RUNX2: variants seen among roughly 807,000 people sequenced by gnomAD.
RUNX2 encodes the protein runt-related transcription factor 2.
Under a neutral mutation model 51.7 loss-of-function variants are expected in RUNX2, and 10 were observed. The observed-to-expected ratio is 0.19, with a 90% CI of 0.12 to 0.33. The LOEUF is 0.33. RUNX2 is among the 10% of genes least tolerant of loss of function. RUNX2 has a pLI of 1.00. For synonymous variants in RUNX2, 276 were observed against 273.6 expected, an observed-to-expected ratio of 1.01 and a Z score of -0.09; for missense variants, 562 against 691.3, an observed-to-expected ratio of 0.81 and a Z score of 2.10.
chr6:45,462,641 T>C (rs549928864), intron 5 of RUNX2, among the ~76,000 whole-genome samples: 1 of 152,354 alleles, frequency 6.6e-6, no homozygotes, highest in African/African-American at 2.4e-5. Flanking sequence ...AACAGTATAT[T>C]TGTAATTGAT....
At chr6:45,514,285 A>G (rs1371500290) in intron 7 of RUNX2, among the ~76,000 whole-genome samples, 4 of 152,206 alleles carry the variant, frequency 2.6e-5, no homozygotes, top group Non-Finnish European at 4.4e-5. Context: ...GTACATGTGT[A>G]ACGGAAAACA....
intron 7 of RUNX2, among the ~76,000 whole-genome samples, chr6:45,518,558 G>A (rs780101429): frequency 7.9e-5 from 12 of 151,990 alleles, no homozygotes; most frequent in Non-Finnish European, 1.3e-4. Flanking sequence ...ACTAAGCTTG[G>A]TTGTATGATT....
intron 2 of RUNX2, among the ~76,000 whole-genome samples, chr6:45,407,707 C>T (rs1300737352): frequency 6.6e-6 from 1 of 151,998 alleles, no homozygotes; most frequent in African/African-American, 2.4e-5. Context: ...GCTATGTTGC[C>T]CAGGCTGGTC....
chr6:45,409,796 T>G (rs1440885774), intron 2 of RUNX2, among the ~76,000 whole-genome samples: 1 of 152,232 alleles, frequency 6.6e-6, no homozygotes, highest in East Asian at 1.9e-4. Flanking sequence ...TGATTGACAC[T>G]TATTTCACTC....
intron 7 of RUNX2, among the ~76,000 whole-genome samples, chr6:45,539,771 C>T (rs184364638): frequency 1.5e-3 from 231 of 152,320 alleles, no homozygotes; most frequent in Non-Finnish European, 2.7e-3. Context: ...AAGCATCTGT[C>T]TTCTCAGCAC....
At chr6:45,342,189 A>G (rs1763803994) in intron 2 of RUNX2, among the ~76,000 whole-genome samples, 1 of 152,144 alleles carries the variant, frequency 6.6e-6, no homozygotes, top group South Asian at 2.1e-4. Context: ...TTTATTATAA[A>G]TAGAATGAGT....
intron 2 of RUNX2, among the ~76,000 whole-genome samples, chr6:45,380,645 C>T (rs1472515848): frequency 1.3e-5 from 2 of 152,128 alleles, no homozygotes; most frequent in Non-Finnish European, 2.9e-5. Context: ...GGCCCGATCT[C>T]GGCTCACTGC....
chr6:45,333,106 G>A (rs1454817571), intron 2 of RUNX2, among the ~76,000 whole-genome samples: 4 of 151,668 alleles, frequency 2.6e-5, no homozygotes, highest in Non-Finnish European at 5.9e-5. Flanking sequence ...AATCTGAGAT[G>A]TTAGTATCTT....
chr6:45,345,747 C>T (rs1404790162), intron 2 of RUNX2, among the ~76,000 whole-genome samples: 1 of 152,176 alleles, frequency 6.6e-6, no homozygotes, highest in African/African-American at 2.4e-5. Context: ...AGTATCAATG[C>T]ACACCGTACC....
rs957908943 is a variant in RUNX2 at position 45,550,659 on chromosome 6, C to T, written c.*3354C>T. ...TGAGAATTTTTTAGATGTGTGTTTA[C>T]TTCATGTTTACAAATAACTGTTTGC... On this transcript the variant is annotated 3_prime_UTR_variant, in exon 9 of 9. Transcript: ENST00000647337. The T allele has an allele frequency of 6.6e-6, 1 of 152,586 alleles. No individual in the cohort carries two copies. The highest frequency in any genetic ancestry group is 2.4e-5 in the African/African-American group (1 of 41,426). The allele number at this position is 152,586 out of a possible 1,614,324, so 9.5% of individuals were successfully genotyped here.
At chr6:45,520,552 A>G (rs1302382636) in intron 7 of RUNX2, among the ~76,000 whole-genome samples, 1 of 152,018 alleles carries the variant, frequency 6.6e-6, no homozygotes, top group African/African-American at 2.4e-5. Context: ...GTGCTGTGCT[A>G]TTTCCCACTT....
At chr6:45,343,631 C>T (rs747771899) in intron 2 of RUNX2, among the ~76,000 whole-genome samples, 1 of 152,136 alleles carries the variant, frequency 6.6e-6, no homozygotes, top group Non-Finnish European at 1.5e-5. Flanking sequence ...TATTAAGTTG[C>T]ATAACAGTAC....
At chr6:45,458,323 G>A (rs567301863) in intron 5 of RUNX2, among the ~76,000 whole-genome samples, 13 of 152,244 alleles carry the variant, frequency 8.5e-5, no homozygotes, top group Admixed American at 2.0e-4. Context: ...CACCGTGCCC[G>A]GCTTGGGGTA....
rs10677574 is a variant in RUNX2 at position 45,485,697 on chromosome 6, G to GTATATATATATATATATA, written c.686-6241_686-6224dup. Among the ~76,000 whole-genome samples, 128 of 104,040 alleles carry GTATATATATATATATATA rather than the reference G, an allele frequency of 1.2e-3. 1 individual carries two copies. The highest frequency in any genetic ancestry group is 2.8e-3 in the Admixed American group (27 of 9,792). 68.3% of individuals were successfully genotyped at this position (104,040 alleles called of 152,430 possible). A position where few individuals can be genotyped will look rare whatever the true frequency, so the allele number is the denominator to read the frequency against. On this transcript the variant is annotated intron_variant, in intron 5 of 8. Transcript: ENST00000647337. Reference sequence around the variant, plus strand: ...TATGTGTGTGTGTGTGTGTGTGTGTGTATATATATATATATATATACACAT... The same window carrying GTATATATATATATATATA: ...TATGTGTGTGTGTGTGTGTGTGTGTGTATATATATATATATATATATATATATATATATATATACACAT...
At chr6:45,494,070 C>T (rs1800567091) in intron 6 of RUNX2, among the ~76,000 whole-genome samples, 1 of 151,926 alleles carries the variant, frequency 6.6e-6, no homozygotes, top group Non-Finnish European at 1.5e-5. Context: ...CATTTTAGAA[C>T]CTAAAGGTAC....
At chr6:45,450,286 C>A (rs1038783156) in intron 5 of RUNX2, among the ~76,000 whole-genome samples, 5 of 152,188 alleles carry the variant, frequency 3.3e-5, no homozygotes, top group African/African-American at 1.2e-4. Flanking sequence ...CTCCCCCAAC[C>A]CTGTCCCACC....
intron 5 of RUNX2, among the ~76,000 whole-genome samples, chr6:45,466,102 C>T (rs1040098212): frequency 1.5e-3 from 226 of 151,836 alleles, no homozygotes; most frequent in African/African-American, 5.2e-3. Flanking sequence ...TCACTTGAGG[C>T]GGGGAGTTCG....
chr6:45,454,583 C>A (rs900817220), intron 5 of RUNX2, among the ~76,000 whole-genome samples: 1 of 152,214 alleles, frequency 6.6e-6, no homozygotes, highest in African/African-American at 2.4e-5. Flanking sequence ...GCATTTCCGG[C>A]TAATTTATAA....
At chr6:45,525,188 G>C (rs1801634960) in intron 7 of RUNX2, among the ~76,000 whole-genome samples, 1 of 152,188 alleles carries the variant, frequency 6.6e-6, no homozygotes, top group Non-Finnish European at 1.5e-5. Flanking sequence ...AACAAAGAAA[G>C]TTAAAGTTGT....
Sources: allele counts gnomAD v4.1 joint callset (sites outside exome capture counted in the v4.1 genomes callset), GRCh38; gene constraint gnomAD v4.1.1; transcripts MANE v1.5; gene names NCBI Gene and HGNC (gene_info 2026-07-23, HGNC 2026-07-21).